GRIP1: variants seen among roughly 807,000 people sequenced by gnomAD.
GRIP1 encodes the protein glutamate receptor interacting protein 1.
In GRIP1, 45 loss-of-function variants were observed where a neutral mutation model predicts 129.9. The ratio of observed to expected loss-of-function variants is 0.35; its 90% CI spans 0.27 to 0.44. The LOEUF is 0.44. Ranked by LOEUF, GRIP1 falls within the 20% of genes least tolerant of loss-of-function variation. GRIP1 has a pLI of 1.00. For missense variants in GRIP1, 1,196 were observed against 1,396.8 expected (o/e 0.86, Z 2.29); for synonymous variants, 530 against 520.8 (o/e 1.02, Z -0.24).
intron 1 of GRIP1, among the ~76,000 whole-genome samples, chr12:66,684,561 C>T (rs541141616): frequency 6.6e-6 from 1 of 152,270 alleles, no homozygotes; most frequent in South Asian, 2.1e-4. Flanking sequence ...CTCCCTTCCC[C>T]TGGCGGGGGA....
At chr12:66,787,213 A>C (rs537290883) in intron 1 of GRIP1, among the ~76,000 whole-genome samples, 1 of 152,290 alleles carries the variant, frequency 6.6e-6, no homozygotes, top group African/African-American at 2.4e-5. Context: ...AGACAGATGA[A>C]CTGAATTCAG....
chr12:66,464,264 C>T (rs144174435), intron 8 of GRIP1, among the ~76,000 whole-genome samples: 2 of 152,186 alleles, frequency 1.3e-5, no homozygotes, highest in Non-Finnish European at 2.9e-5. Context: ...TTTTTCTTAC[C>T]AGGAGCTGTA....
intron 7 of GRIP1, among the ~76,000 whole-genome samples, chr12:66,466,883 A>G (rs1053570307): frequency 6.6e-6 from 1 of 152,182 alleles, no homozygotes; most frequent in Admixed American, 6.5e-5. Flanking sequence ...CCCCACTCAG[A>G]TATAGTGAAA....
At chr12:66,998,712 C>T (rs2042505933) in intron 1 of GRIP1, among the ~76,000 whole-genome samples, 2 of 152,138 alleles carry the variant, frequency 1.3e-5, no homozygotes, top group Admixed American at 1.3e-4. Flanking sequence ...CATATTCTGT[C>T]TTCTCTCCTT....
chr12:66,979,399 T>C (rs1379004111), intron 1 of GRIP1, among the ~76,000 whole-genome samples: 1 of 151,208 alleles, frequency 6.6e-6, no homozygotes, highest in African/African-American at 2.4e-5. Context: ...TTGGCTTCCC[T>C]AGTTTATATG....
intron 1 of GRIP1, among the ~76,000 whole-genome samples, chr12:66,630,851 C>T (rs1243686436): frequency 6.6e-6 from 1 of 152,072 alleles, no homozygotes; most frequent in Non-Finnish European, 1.5e-5. Flanking sequence ...AAGAAATAGC[C>T]AGAAAGCATT....
Position 66,636,776 on chromosome 12 carries a change from C to T in GRIP1, c.56-39849G>A, listed in dbSNP as rs367888153. On this transcript the variant is annotated intron_variant, in intron 1 of 24. Transcript: ENST00000359742. ...GTGTCTCACTCTCTCTCTCTCTGTGCCATGTGAGGACATGAAGAGAAGGTG... is the reference window on the plus strand; with the variant it reads ...GTGTCTCACTCTCTCTCTCTCTGTGTCATGTGAGGACATGAAGAGAAGGTG... Among the ~76,000 whole-genome samples the T allele has an allele frequency of 2.9e-4, 41 of 141,860 alleles. 1 individual carries two copies. Among genetic ancestry groups the T allele is most frequent in the African/African-American group, 1.0e-3 (38 of 38,146 alleles). The allele number at this position is 141,860 out of a possible 152,430, so 93.1% of individuals were successfully genotyped here.
chr12:66,584,471 G>A (rs902229092), intron 2 of GRIP1, among the ~76,000 whole-genome samples: 1 of 152,174 alleles, frequency 6.6e-6, no homozygotes, highest in African/African-American at 2.4e-5. Flanking sequence ...TACTCGGGAG[G>A]CTGAGGCAGG....
intron 7 of GRIP1, among the ~76,000 whole-genome samples, chr12:66,501,907 G>A (rs1050904725): frequency 4.6e-5 from 7 of 152,176 alleles, no homozygotes; most frequent in Admixed American, 1.3e-4. Flanking sequence ...CTGTGAGAAT[G>A]CTGGGAAGTA....
At chr12:66,660,590 T>C (rs2033438171) in intron 1 of GRIP1, among the ~76,000 whole-genome samples, 1 of 152,122 alleles carries the variant, frequency 6.6e-6, no homozygotes, top group Admixed American at 6.5e-5. Flanking sequence ...TACATAATAA[T>C]TGTACAAAAT....
chr12:67,047,321 G>A (rs2043269236), intron 1 of GRIP1, among the ~76,000 whole-genome samples: 1 of 152,076 alleles, frequency 6.6e-6, no homozygotes, highest in Admixed American at 6.6e-5. Context: ...TAGAAAATTT[G>A]AGACACAGCA....
intron 1 of GRIP1, among the ~76,000 whole-genome samples, chr12:66,690,848 G>A (rs1054766663): frequency 6.6e-6 from 1 of 151,666 alleles, no homozygotes; most frequent in Non-Finnish European, 1.5e-5. Flanking sequence ...CAGGAGGATT[G>A]CTTGAGCTCA....
chr12:66,501,740 T>C (rs1002310045), intron 7 of GRIP1, among the ~76,000 whole-genome samples: 1 of 152,212 alleles, frequency 6.6e-6, no homozygotes, highest in Admixed American at 6.5e-5. Context: ...GATAATTTTC[T>C]CCCTAAAAGA....
intron 1 of GRIP1, among the ~76,000 whole-genome samples, chr12:66,608,288 T>C (rs1417408479): frequency 6.6e-6 from 1 of 152,166 alleles, no homozygotes; most frequent in Non-Finnish European, 1.5e-5. Flanking sequence ...GAGATAGTGA[T>C]TATAAACACA....
chr12:66,733,517 C>T (rs888113303), intron 1 of GRIP1, among the ~76,000 whole-genome samples: 2 of 152,044 alleles, frequency 1.3e-5, no homozygotes, highest in African/African-American at 4.8e-5. Context: ...GGCTACAGCT[C>T]AGGCAGCCAT....
intron 1 of GRIP1, among the ~76,000 whole-genome samples, chr12:66,753,427 C>T (rs1447761362): frequency 6.6e-6 from 1 of 152,188 alleles, no homozygotes; most frequent in Non-Finnish European, 1.5e-5. Flanking sequence ...GTCCCCAAAT[C>T]ATTCTGTGGC....
intron 7 of GRIP1, among the ~76,000 whole-genome samples, chr12:66,495,259 C>T (rs1236673337): frequency 1.3e-5 from 2 of 152,120 alleles, no homozygotes; most frequent in South Asian, 2.1e-4. Context: ...GTTAATGTTG[C>T]TTCTATTACG....
intron 1 of GRIP1, among the ~76,000 whole-genome samples, chr12:66,911,028 C>G (rs746118888): frequency 6.6e-6 from 1 of 152,172 alleles, no homozygotes; most frequent in Non-Finnish European, 1.5e-5. Flanking sequence ...ACGTGCCAAG[C>G]ATTGTGCTAA....
intron 1 of GRIP1, among the ~76,000 whole-genome samples, chr12:66,948,684 T>C (rs1042659014): frequency 7.2e-5 from 11 of 152,208 alleles, no homozygotes; most frequent in African/African-American, 2.6e-4. Context: ...CCTGGTAAAA[T>C]GAAGAAAACT....
Sources: gnomAD v4.1 joint callset for allele counts (sites outside exome capture counted in the v4.1 genomes callset) on GRCh38, gnomAD v4.1.1 for gene constraint, MANE v1.5 for transcripts, NCBI Gene and HGNC (gene_info 2026-07-23, HGNC 2026-07-21) for gene names.